The following MEGF10 variants were observed in gnomAD, a reference collection of about 807,000 sequenced individuals.
MEGF10 encodes the protein multiple EGF like domains 10, also known as multiple epidermal growth factor-like domains protein 10.
In MEGF10, 86 loss-of-function variants were observed where a neutral mutation model predicts 147.5. That is an observed-to-expected ratio of 0.58 (90% CI 0.49 to 0.70). MEGF10 has a LOEUF of 0.70. MEGF10 is among the 30% of genes least tolerant of loss of function. The probability of loss-of-function intolerance (pLI) is 0.00; values close to 1 mark genes in which losing one functional copy is unlikely to be tolerated. For missense variants in MEGF10, 1,329 were observed against 1,487.3 expected (o/e 0.89, Z 1.75); for synonymous variants, 478 against 525.5 (o/e 0.91, Z 1.24).
Position 127,420,144 on chromosome 5 carries a change from C to T in MEGF10, c.1527C>T (p.Thr509=). 6.2e-7 allele frequency: 1 copy of T among 1,614,166 alleles called. No homozygotes were observed. The highest frequency in any genetic ancestry group is 1.1e-5 in the South Asian group (1 of 91,074). ...GCCTCAACGGGGGAGCCTGCAACACCCTGGACGGGACCTGCACGTGTGCAC... is the reference window on the plus strand; with the variant it reads ...GCCTCAACGGGGGAGCCTGCAACACTCTGGACGGGACCTGCACGTGTGCAC... ...CQCLNGGACN[T]LDGTCTCAPG... is the part of the protein sequence containing the mutation. Residue 509 remains threonine, a synonymous_variant, in exon 12 of 25, where the codon ACC becomes ACT. Coordinates refer to ENST00000503335, the MANE Select transcript of MEGF10 (RefSeq NM_001256545.2).
chr5:127,336,348 T>C (rs113552492), intron 2 of MEGF10, among the ~76,000 whole-genome samples: 138 of 152,148 alleles, frequency 9.1e-4, no homozygotes, highest in African/African-American at 3.1e-3. Context: ...ATTTAAATAT[T>C]GGTCTCTCAT....
chr5:127,414,325 C>G (rs1764676982), intron 9 of MEGF10, among the ~76,000 whole-genome samples: 1 of 151,922 alleles, frequency 6.6e-6, no homozygotes, highest in Admixed American at 6.6e-5. Context: ...ATAATTTACC[C>G]TTTCTAGGCC....
At chr5:127,424,017 G>T (rs142232503) in intron 13 of MEGF10, among the ~76,000 whole-genome samples, 126 of 152,260 alleles carry the variant, frequency 8.3e-4, no homozygotes, top group African/African-American at 2.9e-3. Flanking sequence ...TCTGTATTTA[G>T]ATATTTGATC....
chr5:127,326,698 G>A lies in MEGF10; in HGVS notation c.-18-4593G>A, dbSNP rs545368321. ...CCTTTATAGATAACACGATGGAGTG[G>A]TCAGGTGAAATGGATGGCTCTTGTT... On this transcript the variant is annotated intron_variant, in intron 1 of 24. Transcript: ENST00000503335. Among the ~76,000 whole-genome samples the A allele has an allele frequency of 1.5e-4, 23 of 152,300 alleles. 1 individual carries two copies. In the South Asian group the frequency reaches 4.1e-3, roughly 27 times the overall value.
Position 127,410,595 on chromosome 5 carries a change from C to G in MEGF10, c.1124C>G (p.Thr375Ser). ...CGGTGTCCCTGCCACCTGGAAAACA[C>G]TCATAGGTGAGTGTCAGCTTCCCCT... ...DKRCPCHLEN[T>S]HSCHPMSGEC... The change falls in exon 9 of 25, where the codon ACT (threonine) becomes AGT (serine). Residue 375 changes from threonine to serine, a missense_variant. Coordinates refer to ENST00000503335, the MANE Select transcript of MEGF10 (RefSeq NM_001256545.2). The G allele has an allele frequency of 6.2e-7, 1 of 1,602,640 alleles. No homozygotes were observed. The highest frequency in any genetic ancestry group is 2.2e-5 in the East Asian group (1 of 44,734).
At chr5:127,230,809 T>C in the MEGF10 span, among the ~76,000 whole-genome samples, 3 of 151,230 alleles carry the variant, frequency 2.0e-5, no homozygotes, top group South Asian at 6.2e-4. Flanking sequence ...TCTTGTGTTA[T>C]TTTCTTAATG....
the MEGF10 span, among the ~76,000 whole-genome samples, chr5:127,238,845 AATTATATTT>A: frequency 9.1e-3 from 1,382 of 152,298 alleles, 30 homozygotes; most frequent in African/African-American, 0.032. Flanking sequence ...AGGAAATAGA[AATTATATTT>A]TGCAGTCCTT....
intron 1 of MEGF10, among the ~76,000 whole-genome samples, chr5:127,327,776 A>C (rs1473202519): frequency 6.8e-6 from 1 of 146,146 alleles, no homozygotes; most frequent in Admixed American, 7.0e-5. Context: ...GTGCAATGGC[A>C]CGATCTTGGC....
chr5:127,296,972 G>A (rs1759531446), intron 1 of MEGF10, among the ~76,000 whole-genome samples: 1 of 151,996 alleles, frequency 6.6e-6, no homozygotes, highest in African/African-American at 2.4e-5. Context: ...GTTTTGTTTT[G>A]TTTTGTTTTT....
chr5:127,241,757 A>T, the MEGF10 span, among the ~76,000 whole-genome samples: 1 of 152,122 alleles, frequency 6.6e-6, no homozygotes, highest in Non-Finnish European at 1.5e-5. Flanking sequence ...AGAATTTCAT[A>T]AATTTTGAGG....
intron 1 of MEGF10, among the ~76,000 whole-genome samples, chr5:127,319,023 ACCTCCCTCCCTCCCTC>A (rs953783985): frequency 4.4e-5 from 6 of 137,878 alleles, no homozygotes; most frequent in Non-Finnish European, 7.9e-5. Flanking sequence ...CTCTTTCATT[ACCTCCCTCCCTCCCTC>A]CCTCCCTTCC....
chr5:127,449,555 A>T (rs1033104309), intron 22 of MEGF10, among the ~76,000 whole-genome samples: 1 of 152,162 alleles, frequency 6.6e-6, no homozygotes, highest in African/African-American at 2.4e-5. Context: ...CACCATCTGC[A>T]TGTTACAGTT....
intron 22 of MEGF10, among the ~76,000 whole-genome samples, 180 bp from the exon 23 acceptor site, chr5:127,454,386 G>A (rs1403797820): frequency 1.3e-5 from 2 of 152,164 alleles, no homozygotes; most frequent in African/African-American, 2.4e-5. Flanking sequence ...CCAAATGTGT[G>A]TGTGTTTAAT....
At chr5:127,400,880 G>A (rs1393589540) in intron 7 of MEGF10, among the ~76,000 whole-genome samples, 1 of 152,064 alleles carries the variant, frequency 6.6e-6, no homozygotes, top group Non-Finnish European at 1.5e-5. Flanking sequence ...TTTCTCCTGT[G>A]TAGCTGAGCT....
At chr5:127,379,992 C>G (rs1446238298) in intron 5 of MEGF10, among the ~76,000 whole-genome samples, 1 of 152,068 alleles carries the variant, frequency 6.6e-6, no homozygotes, top group African/African-American at 2.4e-5. Context: ...GAGTATGACC[C>G]TATTACTCTG....
intron 18 of MEGF10, among the ~76,000 whole-genome samples, chr5:127,441,246 A>G (rs1307019296): frequency 6.6e-6 from 1 of 152,220 alleles, no homozygotes; most frequent in Non-Finnish European, 1.5e-5. Context: ...AGGACAGTAC[A>G]TTCGGTGGGG....
intron 2 of MEGF10, among the ~76,000 whole-genome samples, chr5:127,335,079 G>A (rs751087441): frequency 1.3e-5 from 2 of 152,114 alleles, no homozygotes; most frequent in African/African-American, 2.4e-5. Context: ...TATATTTTCA[G>A]TATGTTTGAG....
intron 1 of MEGF10, among the ~76,000 whole-genome samples, chr5:127,310,037 T>TCCTTCCTTC (rs764762333): frequency 4.2e-5 from 2 of 48,074 alleles, no homozygotes; most frequent in Non-Finnish European, 1.1e-4. Flanking sequence ...TTTCTTTCCT[T>TCCTTCCTTC]CTTTCTTTAT....
intron 5 of MEGF10, among the ~76,000 whole-genome samples, chr5:127,392,448 G>A (rs2126911591): frequency 6.6e-6 from 1 of 152,144 alleles, no homozygotes; most frequent in East Asian, 1.9e-4. Flanking sequence ...CACCAACACT[G>A]GTTGGTTAAG....
Sources: allele counts gnomAD v4.1 joint callset (sites outside exome capture counted in the v4.1 genomes callset), GRCh38; gene constraint gnomAD v4.1.1; transcripts MANE v1.5; gene names NCBI Gene and HGNC (gene_info 2026-07-23, HGNC 2026-07-21).